GAP43: variants seen among roughly 807,000 people sequenced by gnomAD.
The protein encoded by GAP43 is neuromodulin.
A neutral mutation model predicts 18.6 loss-of-function variants in GAP43; 6 were observed. The ratio of observed to expected loss-of-function variants is 0.32; its 90% CI spans 0.18 to 0.64. The LOEUF is 0.64. GAP43 is among the 30% of genes least tolerant of loss of function. The pLI, the probability that GAP43 is intolerant of heterozygous loss-of-function variation, is 0.78. For synonymous variants in GAP43, 115 were observed against 111.4 expected (o/e 1.03, Z -0.20); for missense variants, 292 against 295.5 (o/e 0.99, Z 0.09).
At chr3:115,690,523 C>A (rs1287143622) in intron 2 of GAP43, among the ~76,000 whole-genome samples, 2 of 152,002 alleles carry the variant, frequency 1.3e-5, no homozygotes, top group African/African-American at 4.8e-5. Flanking sequence ...ATTTGTATAA[C>A]CTTCAGTGTC....
At chr3:115,675,649 T>G (rs1708872655) in intron 1 of GAP43, among the ~76,000 whole-genome samples, 1 of 150,750 alleles carries the variant, frequency 6.6e-6, no homozygotes, top group African/African-American at 2.4e-5. Context: ...ATCCCAGCTA[T>G]TTGGGAGGTC....
chr3:115,634,815 T>C (rs1355394827), intron 1 of GAP43, among the ~76,000 whole-genome samples: 7 of 152,068 alleles, frequency 4.6e-5, no homozygotes, highest in Admixed American at 4.6e-4. Context: ...CCCCAGTTTC[T>C]AAATAATTAA....
At chr3:115,662,582 T>G (rs1394583968) in intron 1 of GAP43, among the ~76,000 whole-genome samples, 1 of 152,226 alleles carries the variant, frequency 6.6e-6, no homozygotes, top group Non-Finnish European at 1.5e-5. Flanking sequence ...GCTGATACAG[T>G]AATATGGGAA....
intron 1 of GAP43, among the ~76,000 whole-genome samples, chr3:115,647,758 C>CAACA (rs1553720731): frequency 1.5e-5 from 2 of 132,096 alleles, no homozygotes; most frequent in African/African-American, 5.7e-5. Context: ...AACAAAAAAA[C>CAACA]AAAAAAAAAA....
In GAP43 at chr3:115,709,844, C is replaced by CATATATATATAT. The variant is rs149885836; in HGVS notation, c.629-10940_629-10929dup. Among the ~76,000 whole-genome samples, 359 of 148,018 alleles carry CATATATATATAT rather than the reference C, an allele frequency of 2.4e-3. 3 individuals carry two copies. Among genetic ancestry groups the CATATATATATAT allele is most frequent in the African/African-American group, 7.9e-3 (316 of 40,252 alleles). On this transcript the variant is annotated intron_variant, in intron 2 of 2. Transcript: ENST00000305124. ...CATTTTGCAAGTATACATGAACATA[C>CATATATATATAT]ATATATATATATATATATATACACA...
At chr3:115,702,285 T>G (rs933200453) in intron 2 of GAP43, among the ~76,000 whole-genome samples, 6 of 152,024 alleles carry the variant, frequency 3.9e-5, no homozygotes, top group Admixed American at 6.6e-5. Context: ...AAGACAGTGG[T>G]AATATAAATC....
intron 1 of GAP43, chr3:115,663,864 C>T (rs560273819): frequency 1.3e-6 from 2 of 1,552,138 alleles, no homozygotes; most frequent in East Asian, 4.9e-5. Context: ...CTTCAGAGAG[C>T]AGTTCGACCT....
intron 1 of GAP43, among the ~76,000 whole-genome samples, chr3:115,648,303 T>C (rs1708481709): frequency 6.6e-6 from 1 of 152,110 alleles, no homozygotes; most frequent in Admixed American, 6.6e-5. Flanking sequence ...TCCTCGCCTC[T>C]GAGACTGGGA....
intron 1 of GAP43, among the ~76,000 whole-genome samples, chr3:115,631,208 T>C (rs141914931): frequency 6.6e-6 from 1 of 152,342 alleles, no homozygotes; most frequent in African/African-American, 2.4e-5. Context: ...CTTATTTTCT[T>C]AGATGTTGTT....
intron 1 of GAP43, among the ~76,000 whole-genome samples, chr3:115,659,986 A>G (rs1394673509): frequency 1.3e-5 from 2 of 152,162 alleles, no homozygotes; most frequent in Non-Finnish European, 2.9e-5. Context: ...GAAGGGAGAC[A>G]TTTCTTTAGA....
chr3:115,691,451 G>A (rs1197154182), intron 2 of GAP43, among the ~76,000 whole-genome samples: 1 of 152,160 alleles, frequency 6.6e-6, no homozygotes, highest in African/African-American at 2.4e-5. Context: ...TATCCTCATT[G>A]CTGAACTTGG....
chr3:115,703,060 G>C (rs9833008), intron 2 of GAP43, among the ~76,000 whole-genome samples: 1 of 152,048 alleles, frequency 6.6e-6, no homozygotes, highest in African/African-American at 2.4e-5. Context: ...CAGTGCTCAG[G>C]TAAAGGTCAA....
chr3:115,635,267 A>G (rs1278700876), intron 1 of GAP43, among the ~76,000 whole-genome samples: 1 of 152,152 alleles, frequency 6.6e-6, no homozygotes, highest in Non-Finnish European at 1.5e-5. Flanking sequence ...GTCTTTCACG[A>G]TAATCCTCTT....
At chr3:115,704,359 C>G (rs936260974) in intron 2 of GAP43, among the ~76,000 whole-genome samples, 1 of 151,970 alleles carries the variant, frequency 6.6e-6, no homozygotes, top group African/African-American at 2.4e-5. Context: ...TTTTCATTCT[C>G]CAGTAACTCT....
chr3:115,713,954 G>A (rs1407856725), intron 2 of GAP43, among the ~76,000 whole-genome samples: 1 of 152,140 alleles, frequency 6.6e-6, no homozygotes, highest in East Asian at 1.9e-4. Context: ...GACCCAGGAC[G>A]AATTACGCTC....
chr3:115,698,172 T>A (rs1248601633), intron 2 of GAP43, among the ~76,000 whole-genome samples: 2 of 23,062 alleles, frequency 8.7e-5, no homozygotes, highest in African/African-American at 2.6e-4. Flanking sequence ...TAAAATATAT[T>A]AAATAATATA....
intron 1 of GAP43, among the ~76,000 whole-genome samples, chr3:115,632,805 T>C (rs1393727509): frequency 6.6e-6 from 1 of 152,130 alleles, no homozygotes; most frequent in South Asian, 2.1e-4. Context: ...AATTTGAAAA[T>C]AAACTGGTGT....
chr3:115,631,262 T>C (rs182596282), intron 1 of GAP43, among the ~76,000 whole-genome samples: 1 of 152,176 alleles, frequency 6.6e-6, no homozygotes, highest in African/African-American at 2.4e-5. Flanking sequence ...AATAAATCCT[T>C]TCCCTGGGTT....
At chr3:115,629,691 G>A (rs571144799) in intron 1 of GAP43, among the ~76,000 whole-genome samples, 282 of 151,712 alleles carry the variant, frequency 1.9e-3, no homozygotes, top group African/African-American at 6.5e-3. Context: ...AGCTTCTTGG[G>A]GAAAAGGATG....
Sources: allele counts gnomAD v4.1 joint callset (sites outside exome capture counted in the v4.1 genomes callset), GRCh38; gene constraint gnomAD v4.1.1; transcripts MANE v1.5; gene names NCBI Gene and HGNC (gene_info 2026-07-23, HGNC 2026-07-21).